The following LEKR1 variants were observed in gnomAD, a reference collection of about 807,000 sequenced individuals.
LEKR1 encodes leucine, glutamate and lysine rich 1.
LEKR1 carries 59 observed loss-of-function variants against 72.4 expected under a neutral mutation model. The observed-to-expected ratio is 0.82, with a 90% CI of 0.66 to 1.01. The LOEUF (loss-of-function observed/expected upper bound fraction) is 1.01, where lower values mean the gene tolerates loss of function less well. LEKR1 is among the 50% of genes least tolerant of loss of function. LEKR1 has a pLI of 0.00. For synonymous variants in LEKR1, 257 were observed against 263.2 expected, an observed-to-expected ratio of 0.98 and a Z score of 0.23; for missense variants, 728 against 759.2, an observed-to-expected ratio of 0.96 and a Z score of 0.48.
At chr3:156,958,068 A>G (rs1727809127) in intron 6 of LEKR1, among the ~76,000 whole-genome samples, 1 of 152,182 alleles carries the variant, frequency 6.6e-6, no homozygotes, top group African/African-American at 2.4e-5. Flanking sequence ...ATAAGTCAGA[A>G]GTGGACAGGA....
intron 6 of LEKR1, among the ~76,000 whole-genome samples, chr3:156,971,721 C>T (rs1176927808): frequency 1.3e-5 from 2 of 152,148 alleles, no homozygotes; most frequent in Non-Finnish European, 2.9e-5. Flanking sequence ...ATTTATGCAG[C>T]CAAAAGACAC....
intron 7 of LEKR1, among the ~76,000 whole-genome samples, chr3:156,981,189 A>C (rs1225196756): frequency 1.3e-5 from 2 of 152,208 alleles, no homozygotes; most frequent in African/African-American, 4.8e-5. Context: ...GGATGTTCAC[A>C]CAATGACAAA....
intron 7 of LEKR1, chr3:156,980,170 T>C (rs1020190543): frequency 2.0e-5 from 3 of 152,160 alleles, no homozygotes; most frequent in African/African-American, 7.2e-5. Flanking sequence ...TGATTTTCAG[T>C]TCCTATATTT....
intron 6 of LEKR1, among the ~76,000 whole-genome samples, chr3:156,970,464 T>C (rs1729061103): frequency 6.6e-6 from 1 of 152,168 alleles, no homozygotes; most frequent in Non-Finnish European, 1.5e-5. Context: ...TGGTTTTAGG[T>C]CTAACGTTTA....
At position 157,045,476 on chromosome 3, in the gene LEKR1, T is replaced by G; in HGVS notation, c.1805T>G (p.Leu602Arg). The G allele has an allele frequency of 6.2e-7, 1 of 1,614,096 alleles. No homozygotes were observed. The highest frequency in any genetic ancestry group is 8.5e-7 in the Non-Finnish European group (1 of 1,180,002). Residue 602 changes from leucine to arginine, a missense_variant, in exon 13 of 13, where the codon CTC (leucine) becomes CGC (arginine). Physicochemically the swap from Leu to Arg is moderately radical, Grantham distance 102. Transcript: ENST00000356539. ...AGTTTACCATTCTCACCGTGTTCCCTCAGCAAGGGCAGCCTAACCTCCCCT... is the reference window on the plus strand; with the variant it reads ...AGTTTACCATTCTCACCGTGTTCCCGCAGCAAGGGCAGCCTAACCTCCCCT... ...RGSLPFSPCS[L>R]SKGSLTSPAA...
intron 6 of LEKR1, among the ~76,000 whole-genome samples, chr3:156,962,179 C>T (rs187069114): frequency 8.5e-5 from 13 of 152,304 alleles, no homozygotes; most frequent in Admixed American, 2.0e-4. Context: ...TCCACAAGGA[C>T]CTTACCTGCA....
intron 3 of LEKR1, among the ~76,000 whole-genome samples, chr3:156,870,487 C>T (rs2108546305): frequency 6.6e-6 from 1 of 152,052 alleles, no homozygotes; most frequent in African/African-American, 2.4e-5. Context: ...TCTTTTTCAG[C>T]TAATCCATTA....
In LEKR1 at chr3:157,014,359, TC is replaced by T. The variant is rs537551547; in HGVS notation, c.1203+2854del. On this transcript the variant is annotated intron_variant, in intron 10 of 12. Coordinates refer to ENST00000356539, the MANE Select transcript of LEKR1 (RefSeq NM_001004316.3). ...TTAAACAAACAAGCAAAACCTTATT[TC>T]TTGGCTGAAGCAACTAGATTGAGAG... Among the ~76,000 whole-genome samples, 69 of 152,190 alleles carry T rather than the reference TC, an allele frequency of 4.5e-4. No homozygotes were observed. The South Asian group carries it at 0.013, about 30-fold the overall frequency.
At chr3:156,883,458 T>G (rs958105466) in intron 3 of LEKR1, among the ~76,000 whole-genome samples, 7 of 152,190 alleles carry the variant, frequency 4.6e-5, no homozygotes, top group Non-Finnish European at 1.0e-4. Context: ...GGTTTTGAAG[T>G]GTGAGGACAT....
chr3:156,867,399 A>G (rs755326461), intron 3 of LEKR1, among the ~76,000 whole-genome samples: 1 of 152,084 alleles, frequency 6.6e-6, no homozygotes, highest in Non-Finnish European at 1.5e-5. Context: ...AAAGTCTACA[A>G]TTTTGATATA....
chr3:156,951,127 G>GT (rs928062978), intron 6 of LEKR1, among the ~76,000 whole-genome samples: 1 of 151,586 alleles, frequency 6.6e-6, no homozygotes, highest in Non-Finnish European at 1.5e-5. Context: ...TAATCATGTG[G>GT]TTTTTTTCTT....
intron 9 of LEKR1, among the ~76,000 whole-genome samples, chr3:157,000,594 G>T (rs10936047): frequency 0.091 from 13,824 of 152,198 alleles, 691 homozygotes; most frequent in African/African-American, 0.12. Flanking sequence ...TACTCAGAAA[G>T]TATTAGTTTC....
chr3:156,913,604 G>A (rs995067994), intron 3 of LEKR1, among the ~76,000 whole-genome samples: 1 of 152,152 alleles, frequency 6.6e-6, no homozygotes, highest in Non-Finnish European at 1.5e-5. Context: ...TAAGGATAGA[G>A]AGTGGTAAAA....
intron 3 of LEKR1, among the ~76,000 whole-genome samples, chr3:156,901,679 C>A (rs1436924935): frequency 6.6e-6 from 1 of 151,610 alleles, no homozygotes; most frequent in Non-Finnish European, 1.5e-5. Context: ...ATTAATGATC[C>A]ATTTTGTTTT....
chr3:156,927,527 A>T lies in LEKR1; in HGVS notation c.482A>T (p.Asp161Val). 1 of 1,230,238 alleles carries T rather than the reference A, an allele frequency of 8.1e-7. No homozygotes were observed. The highest frequency in any genetic ancestry group is 1.0e-6 in the Non-Finnish European group (1 of 959,750). 76.2% of individuals were successfully genotyped at this position (1,230,238 alleles called of 1,614,324 possible). ...ELTSIKNEVYDNYQNWTSLKG... is the reference protein window; with the variant it reads ...ELTSIKNEVYVNYQNWTSLKG... ...ACCAGTATTAAAAATGAAGTATATGATAATTACCAAAACTGGACTTCATTG... is the reference window on the plus strand; with the variant it reads ...ACCAGTATTAAAAATGAAGTATATGTTAATTACCAAAACTGGACTTCATTG... Residue 161 changes from aspartate (D) to valine (V), a missense_variant, in exon 5 of 13, where the codon GAT becomes GTT. Asp to Val is a radical substitution (Grantham distance 152, BLOSUM62 -3). Transcript: ENST00000356539.
chr3:157,011,340 G>C, intron 9 of LEKR1, 73 bp from the exon 10 acceptor site: 1 of 1,000,958 alleles, frequency 1.0e-6, no homozygotes, highest in Non-Finnish European at 1.6e-6. Context: ...AATATCTCCC[G>C]ACCCAGGAAC....
At chr3:156,891,934 C>T (rs1402394110) in intron 3 of LEKR1, among the ~76,000 whole-genome samples, 1 of 151,994 alleles carries the variant, frequency 6.6e-6, no homozygotes, top group Non-Finnish European at 1.5e-5. Flanking sequence ...CAAGACTGTA[C>T]TCGTGGCATG....
At chr3:156,995,371 T>G (rs900247156) in intron 9 of LEKR1, among the ~76,000 whole-genome samples, 3 of 152,228 alleles carry the variant, frequency 2.0e-5, no homozygotes, top group African/African-American at 7.2e-5. Context: ...TTTCAGAGAA[T>G]AGTGACATCA....
chr3:157,014,929 A>G (rs888508119), intron 10 of LEKR1, among the ~76,000 whole-genome samples: 1 of 152,210 alleles, frequency 6.6e-6, no homozygotes, highest in African/African-American at 2.4e-5. Context: ...ACAAAGTTCC[A>G]TATTTCTGCA....
Sources: allele counts gnomAD v4.1 joint callset (sites outside exome capture counted in the v4.1 genomes callset), GRCh38; gene constraint gnomAD v4.1.1; transcripts MANE v1.5; gene names NCBI Gene and HGNC (gene_info 2026-07-23, HGNC 2026-07-21).